Variants in SNX29 observed in about 807,000 individuals in gnomAD.
The protein encoded by SNX29 is sorting nexin-29.
Under a neutral mutation model 102.1 loss-of-function variants are expected in SNX29, and 78 were observed. The ratio of observed to expected loss-of-function variants is 0.76; its 90% confidence interval spans 0.64 to 0.92. The LOEUF (loss-of-function observed/expected upper bound fraction) is 0.92. Among genes scored for constraint, SNX29 ranks in the 40% least tolerant of loss-of-function variants. The probability of loss-of-function intolerance (pLI) is 0.00; values close to 1 mark genes in which losing one functional copy is unlikely to be tolerated. For missense variants in SNX29, 1,280 were observed against 1,061.7 expected (o/e 1.21, Z -2.86); for synonymous variants, 580 against 414.5 (o/e 1.40, Z -4.85).
At position 12,527,352 on chromosome 16, in the gene SNX29, G is replaced by T. The variant is rs774042689; in HGVS notation, c.2318+2511G>T. The T allele has an allele frequency of 9.1e-5, 46 of 505,894 alleles. 1 individual carries two copies. Among genetic ancestry groups the T allele is most frequent in the South Asian group, 6.5e-4 (40 of 61,746 alleles). 31.3% of individuals were successfully genotyped at this position (505,894 alleles called of 1,614,324 possible). On this transcript the variant is annotated intron_variant, in intron 20 of 20. Coordinates refer to ENST00000566228, the MANE Select transcript of SNX29 (RefSeq NM_032167.5). The stretch of plus-strand genomic sequence containing the variant: ...GAAAGCTGAGCCTGAGAGATTTCTG[G>T]TTAAAAAAAAATAAAAAATAAAAAT...
intron 15 of SNX29, among the ~76,000 whole-genome samples, chr16:12,317,500 G>A (rs2080788533): frequency 6.6e-6 from 1 of 152,178 alleles, no homozygotes; most frequent in African/African-American, 2.4e-5. Flanking sequence ...CCCTTCCTGT[G>A]CCTTTAGAGC....
At chr16:12,564,780 G>A (rs758642474) in intron 20 of SNX29, among the ~76,000 whole-genome samples, 3 of 151,802 alleles carry the variant, frequency 2.0e-5, no homozygotes, top group Non-Finnish European at 4.4e-5. Context: ...TATGATTGCA[G>A]CCAGCTAAGA....
At chr16:12,375,538 G>C (rs903438267) in intron 16 of SNX29, 2 of 152,158 alleles carry the variant, frequency 1.3e-5, no homozygotes, top group African/African-American at 4.8e-5. Flanking sequence ...AAGGATCTGC[G>C]TCCAAGCTAA....
intron 15 of SNX29, among the ~76,000 whole-genome samples, chr16:12,349,972 T>A (rs2081949422): frequency 6.6e-6 from 1 of 152,242 alleles, no homozygotes; most frequent in Non-Finnish European, 1.5e-5. Flanking sequence ...AGCTCCTGTT[T>A]CACAGCAATA....
chr16:12,546,745 A>AT (rs1379973959), intron 20 of SNX29: 2 of 150,302 alleles, frequency 1.3e-5, no homozygotes, highest in Non-Finnish European at 2.9e-5. Context: ...ATAGGAGAAA[A>AT]TTAGACATTT....
chr16:12,170,369 G>T (rs995296102), intron 13 of SNX29, among the ~76,000 whole-genome samples: 1 of 152,002 alleles, frequency 6.6e-6, no homozygotes, highest in East Asian at 1.9e-4. Flanking sequence ...GTTTGTGGCA[G>T]TTGAGAGCAC....
chr16:12,356,582 T>C (rs904801132), intron 16 of SNX29, among the ~76,000 whole-genome samples: 3 of 152,260 alleles, frequency 2.0e-5, no homozygotes, highest in Non-Finnish European at 4.4e-5. Context: ...TAAATTTCCA[T>C]GAGCAGTAAA....
chr16:12,515,465 CTG>C (rs1383868111), intron 19 of SNX29: 1 of 481,930 alleles, frequency 2.1e-6, no homozygotes, highest in Admixed American at 2.3e-5. Flanking sequence ...TCAGTCAGCT[CTG>C]AAATAGAACT....
At chr16:12,108,197 T>C (rs2053348323) in intron 11 of SNX29, among the ~76,000 whole-genome samples, 1 of 152,212 alleles carries the variant, frequency 6.6e-6, no homozygotes, top group Non-Finnish European at 1.5e-5. Flanking sequence ...AGTTGACTTT[T>C]ACTAGCCTTG....
At chr16:12,072,954 G>A (rs1306177644) in intron 10 of SNX29, among the ~76,000 whole-genome samples, 3 of 151,918 alleles carry the variant, frequency 2.0e-5, no homozygotes, top group East Asian at 1.9e-4. Context: ...GTTTATTTGC[G>A]TAGAGGTGTT....
intron 10 of SNX29, among the ~76,000 whole-genome samples, chr16:12,072,139 C>T (rs534089333): frequency 6.6e-6 from 1 of 152,274 alleles, no homozygotes; most frequent in Admixed American, 6.5e-5. Flanking sequence ...TTCCTCTTTT[C>T]CTAACTGAAT....
At chr16:12,532,462 A>G (rs547980851) in intron 20 of SNX29, among the ~76,000 whole-genome samples, 4 of 152,316 alleles carry the variant, frequency 2.6e-5, no homozygotes, top group Non-Finnish European at 4.4e-5. Context: ...ATTATTAAGC[A>G]AACAGTTTTA....
chr16:12,529,544 A>G (rs752484294), intron 20 of SNX29, among the ~76,000 whole-genome samples: 6 of 152,268 alleles, frequency 3.9e-5, no homozygotes, highest in Non-Finnish European at 7.4e-5. Flanking sequence ...AACTTTGGGA[A>G]ATACATTATG....
Position 12,133,588 on chromosome 16 carries a change from G to C in SNX29, c.1595+3830G>C, listed in dbSNP as rs139706387. Among the ~76,000 whole-genome samples the C allele has an allele frequency of 5.3e-3, 811 of 152,212 alleles. 9 individuals are homozygous for C. Among genetic ancestry groups the C allele is most frequent in the African/African-American group, 0.019 (774 of 41,538 alleles). ...TTACAGGCATGAGCCACTGCTCTTG[G>C]CATGTTTCCTTAGTTTTAAAATGGT... On this transcript the variant is annotated intron_variant, in intron 13 of 20. Coordinates refer to ENST00000566228, the MANE Select transcript of SNX29 (RefSeq NM_032167.5).
At chr16:12,190,450 G>T (rs144444576) in intron 13 of SNX29, among the ~76,000 whole-genome samples, 3 of 152,166 alleles carry the variant, frequency 2.0e-5, no homozygotes, top group African/African-American at 7.2e-5. Flanking sequence ...TCTAGAATAC[G>T]CTGGGGGCAG....
chr16:12,572,073 T>C lies in SNX29; in HGVS notation c.*3444T>C, dbSNP rs569083806. 6 of 1,063,448 alleles carry C rather than the reference T, an allele frequency of 5.6e-6. No individual in the cohort carries two copies. Among genetic ancestry groups the C allele is most frequent in the African/African-American group, 3.3e-5 (2 of 61,058 alleles). 65.9% of individuals were successfully genotyped at this position (1,063,448 alleles called of 1,614,324 possible). The stretch of plus-strand genomic sequence containing the variant: ...AACAAGGGAACCATCTTGCAAGATC[T>C]AGGAAGAGGAAGGGGAGGGATGTGG... On this transcript the variant is annotated 3_prime_UTR_variant, in exon 21 of 21. Transcript: ENST00000566228.
chr16:12,554,132 T>C (rs140488290), intron 20 of SNX29, among the ~76,000 whole-genome samples: 7 of 152,364 alleles, frequency 4.6e-5, no homozygotes, highest in Admixed American at 2.0e-4. Context: ...CCAGCCTGGA[T>C]GCTTTGCTCT....
At chr16:12,133,619 G>A (rs1324096671) in intron 13 of SNX29, among the ~76,000 whole-genome samples, 1 of 152,156 alleles carries the variant, frequency 6.6e-6, no homozygotes, top group African/African-American at 2.4e-5. Flanking sequence ...ATGGTAATAA[G>A]TAAACTCTTT....
chr16:12,543,943 G>GAA (rs1567682957), intron 20 of SNX29, among the ~76,000 whole-genome samples: 15 of 152,176 alleles, frequency 9.9e-5, no homozygotes. Context: ...CTCGTTCTAA[G>GAA]CGAGGAGCCT....
Sources: gnomAD v4.1 joint callset for allele counts (sites outside exome capture counted in the v4.1 genomes callset) on GRCh38, gnomAD v4.1.1 for gene constraint, MANE v1.5 for transcripts, NCBI Gene and HGNC (gene_info 2026-07-23, HGNC 2026-07-21) for gene names.